Variants in JAKMIP3 observed in about 807,000 individuals in gnomAD.
JAKMIP3 encodes janus kinase and microtubule-interacting protein 3.
In JAKMIP3, 58 loss-of-function variants were observed where a neutral mutation model predicts 118.5. The observed-to-expected ratio is 0.49, with a 90% CI of 0.40 to 0.61. JAKMIP3 has a LOEUF of 0.61. Ranked by LOEUF, JAKMIP3 falls within the 20% of genes least tolerant of loss-of-function variation. The pLI is 0.00. For missense variants in JAKMIP3, 950 were observed against 1,109.0 expected, an observed-to-expected ratio of 0.86 and a Z score of 2.04; for synonymous variants, 486 against 451.2, an observed-to-expected ratio of 1.08 and a Z score of -0.98.
At chr10:132,163,545 T>A in intron 20 of JAKMIP3, 133 bp downstream of exon 20, 1 of 741,192 alleles carries the variant, frequency 1.3e-6, no homozygotes. Context: ...GCCACACCCC[T>A]CATAACACAC....
At chr10:132,170,751 G>A (rs1230071746) in intron 23 of JAKMIP3, among the ~76,000 whole-genome samples, 1 of 152,212 alleles carries the variant, frequency 6.6e-6, no homozygotes, top group African/African-American at 2.4e-5. Flanking sequence ...CGGCATGGCG[G>A]GGACAGAGGT....
In JAKMIP3 at chr10:132,117,186, A is replaced by G. The variant is rs1388298055; in HGVS notation, c.245A>G (p.Glu82Gly). 1 of 1,613,818 alleles carries G rather than the reference A, an allele frequency of 6.2e-7. No homozygotes were observed. Among genetic ancestry groups the G allele is most frequent in the Non-Finnish European group, 8.5e-7 (1 of 1,179,904 alleles). ...GAGCTCAAGACAAAGCTGCACGAGG[A>G]GAAGATGAAGGAGCTACAGGCTGTG... Reference protein sequence around the residue: ...LTELKTKLHEEKMKELQAVRE... With the variant: ...LTELKTKLHEGKMKELQAVRE... The change falls in exon 3 of 24, where the codon GAG becomes GGG. Residue 82 changes from glutamate to glycine, a missense_variant. By Grantham distance (98) the Glu-to-Gly change is moderately conservative. Transcript: ENST00000684848. This position sits in a 1 kb window ranked among gnomAD's most constrained non-coding sequence, Gnocchi z 8.6.
At position 132,182,408 on chromosome 10, in the gene JAKMIP3, G is replaced by A. The variant is rs1260066076; in HGVS notation, c.*1155G>A. On this transcript the variant is annotated 3_prime_UTR_variant, in exon 24 of 24. Transcript: ENST00000684848. ...AACGTTAGGTGTGATTTCCATTCCT[G>A]CTGGGAGACCCGGGACGCAGCCCGG... The A allele has an allele frequency of 6.6e-6, 1 of 151,088 alleles. No homozygotes were observed. Among genetic ancestry groups the A allele is most frequent in the Non-Finnish European group, 1.5e-5 (1 of 67,316 alleles). 9.4% of individuals were successfully genotyped at this position (151,088 alleles called of 1,614,324 possible).
chr10:132,060,305 G>C (rs759609032), upstream of JAKMIP3, among the ~76,000 whole-genome samples: 2 of 152,152 alleles, frequency 1.3e-5, no homozygotes, highest in Non-Finnish European at 2.9e-5. Flanking sequence ...GATGAGATGG[G>C]GGCCAGGCAG....
intron 1 of JAKMIP3, among the ~76,000 whole-genome samples, chr10:132,104,382 C>T (rs1049408519): frequency 3.3e-5 from 5 of 152,220 alleles, no homozygotes; most frequent in African/African-American, 1.2e-4. Context: ...CCCACTCCCT[C>T]ACTCTCTGAT....
At position 132,044,487 on chromosome 10, in the gene JAKMIP3, T is replaced by C. The variant is rs1211017512; in HGVS notation, c.-138+7749T>C. Among the ~76,000 whole-genome samples the C allele has an allele frequency of 1.3e-5, 2 of 152,042 alleles. No individual in the cohort carries two copies. Among genetic ancestry groups the C allele is most frequent in the African/African-American group, 4.8e-5 (2 of 41,390 alleles). ...GGAAGGCTGCTTGGGAAAACAGTTA[T>C]GGCTGGTGCAGAGGAGGGTGCGGCC... On this transcript the variant is annotated intron_variant, in intron 1 of 23. Transcript: ENST00000657785. The surrounding 1 kb of genome is among the most constrained non-coding windows in gnomAD (Gnocchi z 5.3).
intron 20 of JAKMIP3, 60 bp downstream of exon 20, chr10:132,163,472 AG>A (rs778671472): frequency 3.1e-5 from 46 of 1,468,386 alleles, no homozygotes; most frequent in African/African-American, 1.1e-4. Context: ...GCACAGAGCC[AG>A]GGGGGGTCCT....
intron 2 of JAKMIP3, among the ~76,000 whole-genome samples, chr10:132,109,922 T>C (rs1051315994): frequency 6.6e-6 from 1 of 152,246 alleles, no homozygotes; most frequent in Non-Finnish European, 1.5e-5. Context: ...GTCATTACAA[T>C]TGGCAGCATC....
Position 132,145,137 on chromosome 10 carries a change from A to T in JAKMIP3, c.1633A>T (p.Arg545Trp). Residue 545 changes from arginine (R) to tryptophan (W), a missense_variant, in exon 12 of 24, where the codon AGG (arginine) becomes TGG (tryptophan). By Grantham distance (101) the Arg-to-Trp change is moderately radical (BLOSUM62 -3). Transcript: ENST00000684848. ...TREQLQAEVQ[R>W]AQARIEDLEK... ...TGAGCAGCTACAAGCCGAAGTGCAG[A>T]GGGCACAGGCGCGGATAGAGGACCT... 6.2e-7 allele frequency: 1 copy of T among 1,612,556 alleles called. No individual in the cohort carries two copies. Among genetic ancestry groups the T allele is most frequent in the Non-Finnish European group, 8.5e-7 (1 of 1,179,798 alleles).
intron 1 of JAKMIP3, among the ~76,000 whole-genome samples, chr10:132,096,793 G>A (rs116686999): frequency 3.9e-5 from 6 of 152,248 alleles, no homozygotes; most frequent in African/African-American, 7.2e-5. Context: ...GAAAGCGGCC[G>A]GCCAGGGACC....
chr10:132,067,101 G>A (rs1021697409), intron 1 of JAKMIP3, among the ~76,000 whole-genome samples: 1 of 152,152 alleles, frequency 6.6e-6, no homozygotes, highest in African/African-American at 2.4e-5. Flanking sequence ...AGCAGAAGAG[G>A]AAAGTGAGCC....
chr10:132,125,236 C>T (rs149002273), intron 3 of JAKMIP3, among the ~76,000 whole-genome samples: 2 of 151,742 alleles, frequency 1.3e-5, no homozygotes, highest in South Asian at 2.1e-4. Context: ...CGTCCGAGTT[C>T]GGTTTTTGTG....
chr10:132,080,503 ATTTTTTTT>A lies in JAKMIP3; in HGVS notation c.-138+14471_-138+14478del, dbSNP rs201838731. 9.5e-3 allele frequency among the ~76,000 whole-genome samples: 583 copies of A among 61,400 alleles called. 3 individuals carry two copies. The highest frequency in any genetic ancestry group is 0.026 in the South Asian group (38 of 1,454). 40.3% of individuals were successfully genotyped at this position (61,400 alleles called of 152,430 possible). A position where few individuals can be genotyped will look rare whatever the true frequency, so the allele number is the denominator to read the frequency against. On this transcript the variant is annotated intron_variant, in intron 1 of 23. Coordinates refer to ENST00000684848, the MANE Select transcript of JAKMIP3 (RefSeq NM_001323087.2). ...TATTTTCTTGCTGTCAAGTTATAGGATTTTTTTTTTTTTTTTTTTTTTTTTTTTTTTTT... is the reference window on the plus strand; with the variant it reads ...TATTTTCTTGCTGTCAAGTTATAGGATTTTTTTTTTTTTTTTTTTTTTTTT...
intron 2 of JAKMIP3, 93 bp downstream of exon 2, chr10:132,105,036 C>A: frequency 1.4e-6 from 2 of 1,416,194 alleles, no homozygotes; most frequent in Non-Finnish European, 9.6e-7. Context: ...TTGGCCAGAT[C>A]CCTGTGGAAA....
intron 2 of JAKMIP3, among the ~76,000 whole-genome samples, chr10:132,106,730 T>C (rs978954806): frequency 2.6e-5 from 4 of 152,152 alleles, no homozygotes; most frequent in Non-Finnish European, 5.9e-5. Context: ...CGTCAAAAAA[T>C]GGGGAGTTGC....
At chr10:132,072,555 C>T (rs867963617) in intron 1 of JAKMIP3, among the ~76,000 whole-genome samples, 3 of 152,084 alleles carry the variant, frequency 2.0e-5, no homozygotes, top group African/African-American at 7.2e-5. Flanking sequence ...ATAAATAAAA[C>T]TTTAATCTGA....
At chr10:132,099,422 C>T (rs772326500) in intron 1 of JAKMIP3, among the ~76,000 whole-genome samples, 24 of 152,204 alleles carry the variant, frequency 1.6e-4, no homozygotes, top group Admixed American at 2.0e-4. Context: ...TCAGAGACCC[C>T]GAAATAAAAG....
intron 1 of JAKMIP3, among the ~76,000 whole-genome samples, chr10:132,084,069 AAG>A (rs1010912387): frequency 6.6e-6 from 1 of 152,062 alleles, no homozygotes; most frequent in Non-Finnish European, 1.5e-5. Flanking sequence ...TAGTTCTGTG[AAG>A]AATGATGGTG....
Position 132,168,057 on chromosome 10 carries a change from A to G in JAKMIP3, c.*127A>G, listed in dbSNP as rs761278536. 4 of 1,289,542 alleles carry G rather than the reference A, an allele frequency of 3.1e-6. No homozygotes were observed. In the South Asian group the frequency reaches 4.9e-5, roughly 16 times the overall value. 79.9% of individuals were successfully genotyped at this position (1,289,542 alleles called of 1,614,324 possible). ...AGACCCAGGGAGATTTGGTCTCTGC[A>G]CGCCCGTCCCGTGGAGGAAGAGTGA... On this transcript the variant is annotated 3_prime_UTR_variant, in exon 23 of 24. Transcript: ENST00000684848.
Sources: allele counts gnomAD v4.1 joint callset (sites outside exome capture counted in the v4.1 genomes callset), GRCh38; gene constraint gnomAD v4.1.1; non-coding constraint Gnocchi (gnomAD v3.1); transcripts MANE v1.5; gene names NCBI Gene and HGNC (gene_info 2026-07-23, HGNC 2026-07-21).